FOXP1: variants seen among roughly 807,000 people sequenced by gnomAD.
FOXP1 encodes forkhead box protein P1.
Under a neutral mutation model 98.2 loss-of-function variants are expected in FOXP1, and 15 were observed. The ratio of observed to expected loss-of-function variants is 0.15; its 90% CI spans 0.10 to 0.24. The LOEUF (loss-of-function observed/expected upper bound fraction) is 0.24. Among genes scored for constraint, FOXP1 ranks in the 10% least tolerant of loss-of-function variants. FOXP1 has a pLI of 1.00. For synonymous variants in FOXP1, 371 were observed against 314.5 expected (o/e 1.18, Z -1.90); for missense variants, 633 against 848.5 (o/e 0.75, Z 3.15).
chr3:71,201,648 G>A (rs547329067), intron 5 of FOXP1, among the ~76,000 whole-genome samples: 2 of 150,518 alleles, frequency 1.3e-5, no homozygotes, highest in Admixed American at 6.6e-5. Context: ...GCGGGGAGAG[G>A]GAAAAAAAAA....
intron 20 of FOXP1, 110 bp from the exon 21 acceptor site, chr3:70,959,501 T>C: frequency 8.6e-7 from 1 of 1,163,570 alleles, no homozygotes; most frequent in Non-Finnish European, 1.3e-6. Flanking sequence ...ACTAGAACTC[T>C]GTCCAGTATT....
At chr3:71,552,704 A>C (rs2045865526) in intron 2 of FOXP1, among the ~76,000 whole-genome samples, 1 of 152,050 alleles carries the variant, frequency 6.6e-6, no homozygotes. Context: ...AACTAGGCAA[A>C]ATATAATAAT....
chr3:71,568,114 A>AAGGGG (rs2047056691), intron 2 of FOXP1, among the ~76,000 whole-genome samples: 1 of 148,048 alleles, frequency 6.8e-6, no homozygotes, highest in African/African-American at 2.5e-5. Flanking sequence ...AAAGGAAGGG[A>AAGGGG]AGGGGAGGGA....
At chr3:71,553,227 T>C (rs895451373) in intron 2 of FOXP1, among the ~76,000 whole-genome samples, 1 of 152,096 alleles carries the variant, frequency 6.6e-6, no homozygotes, top group Non-Finnish European at 1.5e-5. Flanking sequence ...AGCCCAAATA[T>C]TTTATAGGTC....
intron 2 of FOXP1, among the ~76,000 whole-genome samples, chr3:71,496,760 T>C (rs991693261): frequency 4.6e-5 from 7 of 152,008 alleles, no homozygotes; most frequent in East Asian, 1.9e-4. Context: ...TGAGCTGAGA[T>C]TGCGCCAATG....
intron 2 of FOXP1, among the ~76,000 whole-genome samples, chr3:71,576,550 G>C (rs952975164): frequency 1.3e-5 from 2 of 152,134 alleles, no homozygotes; most frequent in East Asian, 3.8e-4. Flanking sequence ...AATTTAAATA[G>C]ATTATTAGTT....
At chr3:71,240,603 C>T (rs1305584356) in intron 5 of FOXP1, among the ~76,000 whole-genome samples, 1 of 151,898 alleles carries the variant, frequency 6.6e-6, no homozygotes, top group African/African-American at 2.4e-5. Context: ...AGTGTAGTGG[C>T]GCGATCTCGG....
chr3:71,576,008 A>G (rs2047693447), intron 2 of FOXP1, among the ~76,000 whole-genome samples: 1 of 152,268 alleles, frequency 6.6e-6, no homozygotes, highest in African/African-American at 2.4e-5. Flanking sequence ...ATAAATAAAT[A>G]TATGTCCAAA....
At chr3:71,017,278 C>T (rs981190847) in intron 11 of FOXP1, among the ~76,000 whole-genome samples, 6 of 151,830 alleles carry the variant, frequency 4.0e-5, no homozygotes, top group African/African-American at 1.4e-4. Context: ...TAAGAATTTA[C>T]TAACAGTATT....
At chr3:71,233,773 G>C (rs1344346128) in intron 5 of FOXP1, among the ~76,000 whole-genome samples, 1 of 152,004 alleles carries the variant, frequency 6.6e-6, no homozygotes, top group Non-Finnish European at 1.5e-5. Flanking sequence ...ATCAGGACTT[G>C]TATATTTTTG....
At chr3:71,103,102 G>A (rs757084422) in intron 7 of FOXP1, among the ~76,000 whole-genome samples, 2 of 152,122 alleles carry the variant, frequency 1.3e-5, no homozygotes, top group Non-Finnish European at 2.9e-5. Context: ...AGGGTAAACT[G>A]TTTAATTTTT....
chr3:71,364,829 T>C (rs1351400342), intron 3 of FOXP1, among the ~76,000 whole-genome samples: 1 of 152,252 alleles, frequency 6.6e-6, no homozygotes. Context: ...GTTGAGATCA[T>C]ATTAACTGTT....
At chr3:71,069,940 C>G (rs1433534764) in intron 7 of FOXP1, among the ~76,000 whole-genome samples, 1 of 152,202 alleles carries the variant, frequency 6.6e-6, no homozygotes, top group African/African-American at 2.4e-5. Flanking sequence ...CGTGTCCCAT[C>G]CTGCCCTCAG....
intron 4 of FOXP1, among the ~76,000 whole-genome samples, chr3:71,331,794 T>C (rs1049105966): frequency 6.6e-6 from 1 of 152,156 alleles, no homozygotes; most frequent in East Asian, 1.9e-4. Context: ...GTACTCTGTG[T>C]CTACCTCAAG....
intron 6 of FOXP1, among the ~76,000 whole-genome samples, chr3:71,147,064 T>C (rs899217301): frequency 1.8e-4 from 28 of 152,344 alleles, no homozygotes; most frequent in African/African-American, 6.7e-4. Flanking sequence ...TTACCTGGCG[T>C]TTCAGCCAGC....
chr3:71,357,921 A>C (rs1199474395), intron 4 of FOXP1, among the ~76,000 whole-genome samples: 4 of 152,242 alleles, frequency 2.6e-5, no homozygotes, highest in African/African-American at 9.6e-5. Flanking sequence ...ATGAAAACAT[A>C]TCTAAAGATG....
At chr3:71,541,364 C>T (rs1336260529) in intron 2 of FOXP1, among the ~76,000 whole-genome samples, 1 of 152,134 alleles carries the variant, frequency 6.6e-6, no homozygotes, top group African/African-American at 2.4e-5. Flanking sequence ...GAGAGATTTA[C>T]TCTGATAAAG....
At chr3:71,170,042 T>A (rs1032684758) in intron 6 of FOXP1, among the ~76,000 whole-genome samples, 4 of 152,164 alleles carry the variant, frequency 2.6e-5, no homozygotes, top group Non-Finnish European at 5.9e-5. Context: ...CAGGGGGAGC[T>A]ACTCCAGATA....
intron 6 of FOXP1, among the ~76,000 whole-genome samples, chr3:71,155,105 A>G (rs964778767): frequency 6.6e-6 from 1 of 152,208 alleles, no homozygotes; most frequent in Non-Finnish European, 1.5e-5. Context: ...GGCAAGCCAC[A>G]AACAAACAAT....
Sources: gnomAD v4.1 joint callset for allele counts (sites outside exome capture counted in the v4.1 genomes callset) on GRCh38, gnomAD v4.1.1 for gene constraint, MANE v1.5 for transcripts, NCBI Gene and HGNC (gene_info 2026-07-23, HGNC 2026-07-21) for gene names.